The following AHCY variants were observed in gnomAD, a reference collection of about 807,000 sequenced individuals.
AHCY encodes the protein adenosylhomocysteinase, also known as S-adenosyl-L-homocysteine hydrolase.
In AHCY, 24 loss-of-function variants were observed where a neutral mutation model predicts 45.4. The observed-to-expected ratio is 0.53, with a 90% confidence interval of 0.38 to 0.74. The LOEUF is 0.74. Ranked by LOEUF, AHCY falls within the 30% of genes least tolerant of loss-of-function variation. The pLI is 0.00. For missense variants in AHCY, 449 were observed against 594.1 expected, an observed-to-expected ratio of 0.76 and a Z score of 2.54; for synonymous variants, 245 against 235.1, an observed-to-expected ratio of 1.04 and a Z score of -0.39.
At chr20:34,232,472 A>G in the AHCY span, among the ~76,000 whole-genome samples, 6 of 152,190 alleles carry the variant, frequency 3.9e-5, no homozygotes, top group Non-Finnish European at 7.3e-5. Context: ...TATCTCATAC[A>G]GCATAGACCA....
the AHCY span, among the ~76,000 whole-genome samples, chr20:34,258,695 A>ATATATATAT: frequency 3.9e-4 from 6 of 15,518 alleles, no homozygotes; most frequent in Non-Finnish European, 7.6e-4. Context: ...ATATATACAT[A>ATATATATAT]CTATATATAT....
At chr20:34,241,963 A>T in the AHCY span, among the ~76,000 whole-genome samples, 1 of 152,182 alleles carries the variant, frequency 6.6e-6, no homozygotes. Flanking sequence ...AATTCCATTT[A>T]TTGCAGACTC....
chr20:34,281,318 T>A, intron 9 of AHCY, 153 bp from the exon 10 acceptor site: 1 of 1,293,438 alleles, frequency 7.7e-7, no homozygotes, highest in Non-Finnish European at 1.1e-6. Flanking sequence ...CCAGCCTCAG[T>A]TAATGTGTTG....
chr20:34,303,206 C>T (rs1601689840), intron 1 of AHCY, 37 bp downstream of exon 1: 4 of 1,550,832 alleles, frequency 2.6e-6, no homozygotes, highest in Non-Finnish European at 3.5e-6. Context: ...GGGCGGGTGC[C>T]GGGCGGCCGC....
chr20:34,307,847 A>G (rs778919203), upstream of AHCY, among the ~76,000 whole-genome samples: 1 of 152,196 alleles, frequency 6.6e-6, no homozygotes, highest in Non-Finnish European at 1.5e-5. Context: ...AGTTTGGTAC[A>G]TAGGTAAACT....
chr20:34,294,269 G>A lies in AHCY; in HGVS notation c.220-113C>T, dbSNP rs1010202172. The A allele has an allele frequency of 9.6e-6, 9 of 935,044 alleles. No homozygotes were observed. The African/African-American group carries it at 1.5e-4, about 15-fold the overall frequency. 57.9% of individuals were successfully genotyped at this position (935,044 alleles called of 1,614,324 possible). ...TAGTGGGGAGAGGCTTGGGATCTAG[G>A]CACAGCAAGCTCTAGGATCACAGGC... On this transcript the variant is annotated intron_variant, in intron 2 of 9. Coordinates refer to ENST00000217426, the MANE Select transcript of AHCY (RefSeq NM_000687.4).
the AHCY span, among the ~76,000 whole-genome samples, chr20:34,238,264 G>C: frequency 1.3e-5 from 2 of 152,014 alleles, no homozygotes; most frequent in African/African-American, 2.4e-5. Context: ...TTCTGGGATG[G>C]CTAGACTTCT....
chr20:34,252,716 G>A, the AHCY span, among the ~76,000 whole-genome samples: 10 of 152,120 alleles, frequency 6.6e-5, no homozygotes, highest in Non-Finnish European at 7.4e-5. Flanking sequence ...GTTGGGGGAT[G>A]GTAAGGTCTT....
chr20:34,310,921 T>A (rs2036940975), intron 1 of AHCY, among the ~76,000 whole-genome samples: 1 of 150,568 alleles, frequency 6.6e-6, no homozygotes, highest in African/African-American at 2.4e-5. Flanking sequence ...AGGTCAGGAG[T>A]TCGAGATCGG....
chr20:34,290,863 C>G lies in AHCY; in HGVS notation c.634G>C (p.Ala212Pro). Residue 212 changes from alanine to proline, a missense_variant, in exon 6 of 10, where the codon GCC (alanine) becomes CCC (proline). Transcript: ENST00000217426. The surrounding 1 kb of genome is among the most constrained non-coding windows in gnomAD (Gnocchi z 4.5). Reference protein sequence around the residue: ...GIKRATDVMIAGKVAVVAGYG... With the variant: ...GIKRATDVMIPGKVAVVAGYG... ...CCTGCTACCACCGCTACCTTGCCGG[C>G]AATCATCACATCTGTGGCCCGCTTG... is the stretch of plus-strand genomic sequence containing the variant. 1 of 1,614,192 alleles carries G rather than the reference C, an allele frequency of 6.2e-7. No individual in the cohort carries two copies. The highest frequency in any genetic ancestry group is 1.1e-5 in the South Asian group (1 of 91,074).
the AHCY span, among the ~76,000 whole-genome samples, chr20:34,273,220 C>CT: frequency 1.2e-5 from 1 of 83,920 alleles, no homozygotes; most frequent in South Asian, 4.8e-4. Flanking sequence ...CTTGTGGTGA[C>CT]CCTTTTTTTT....
At chr20:34,252,456 C>G in the AHCY span, among the ~76,000 whole-genome samples, 3 of 152,168 alleles carry the variant, frequency 2.0e-5, no homozygotes, top group East Asian at 3.9e-4. Context: ...TTTTCTTTAC[C>G]CAAACATCTC....
chr20:34,263,320 T>A, the AHCY span, among the ~76,000 whole-genome samples: 1 of 152,210 alleles, frequency 6.6e-6, no homozygotes. Context: ...ATCCCAGCAC[T>A]TTGGGAGGCC....
chr20:34,257,487 T>C, the AHCY span, among the ~76,000 whole-genome samples: 3 of 152,198 alleles, frequency 2.0e-5, no homozygotes, highest in Admixed American at 6.5e-5. Flanking sequence ...AGCTAAAAAT[T>C]AAAAACAATA....
At chr20:34,252,612 G>A in the AHCY span, among the ~76,000 whole-genome samples, 4 of 152,110 alleles carry the variant, frequency 2.6e-5, no homozygotes, top group African/African-American at 9.7e-5. Flanking sequence ...TCCCAGGGAG[G>A]AGCAGGAGAC....
chr20:34,245,888 G>A, the AHCY span: 1 of 1,266,412 alleles, frequency 7.9e-7, no homozygotes, highest in South Asian at 1.5e-5. Context: ...ATATATAAAG[G>A]CCTCTCTCCC....
At chr20:34,272,231 A>G in the AHCY span, among the ~76,000 whole-genome samples, 15 of 152,184 alleles carry the variant, frequency 9.9e-5, no homozygotes, top group Admixed American at 7.2e-4. Context: ...CTTGACTGAC[A>G]GTCCCATTGT....
At chr20:34,257,064 C>CTCTT in the AHCY span, among the ~76,000 whole-genome samples, 1 of 125,602 alleles carries the variant, frequency 8.0e-6, no homozygotes. Context: ...CTCTCTCTTT[C>CTCTT]TTTCTCTTTT....
the AHCY span, among the ~76,000 whole-genome samples, chr20:34,239,584 T>A: frequency 6.6e-6 from 1 of 152,338 alleles, no homozygotes; most frequent in South Asian, 2.1e-4. Context: ...GCGTCTACAT[T>A]ATCTCATTGG....
Sources: gnomAD v4.1 joint callset for allele counts (sites outside exome capture counted in the v4.1 genomes callset) on GRCh38, gnomAD v4.1.1 for gene constraint, Gnocchi (gnomAD v3.1) non-coding constraint, MANE v1.5 for transcripts, NCBI Gene and HGNC (gene_info 2026-07-23, HGNC 2026-07-21) for gene names.